The following TXN2 variants were observed in gnomAD, a reference collection of about 807,000 sequenced individuals.
TXN2 encodes thioredoxin 2.
A neutral mutation model predicts 14.6 loss-of-function variants in TXN2; 12 were observed. The observed-to-expected ratio is 0.82, with a 90% CI of 0.53 to 1.33. The LOEUF (loss-of-function observed/expected upper bound fraction) is 1.33, where lower values mean the gene tolerates loss of function less well. Ranked by LOEUF, TXN2 falls within the 40% of genes most tolerant of loss-of-function variation. The probability of loss-of-function intolerance (pLI) is 0.00; values close to 1 mark genes in which losing one functional copy is unlikely to be tolerated. For synonymous variants in TXN2, 89 were observed against 81.0 expected (o/e 1.10, Z -0.53); for missense variants, 173 against 207.7 (o/e 0.83, Z 1.03).
chr22:36,474,458 T>A (rs574999629), intron 3 of TXN2, among the ~76,000 whole-genome samples: 13 of 152,244 alleles, frequency 8.5e-5, no homozygotes, highest in Non-Finnish European at 1.8e-4. Flanking sequence ...GTGCCTCTAT[T>A]TGAGCTGGTC....
intron 2 of TXN2, 101 bp downstream of exon 2, chr22:36,480,474 T>C (rs1247144105): frequency 4.1e-6 from 6 of 1,473,458 alleles, no homozygotes; most frequent in Non-Finnish European, 2.8e-6. Context: ...ATATTGAGTC[T>C]ACATATGAGC....
chr22:36,479,238 C>A (rs1024336134), intron 2 of TXN2, among the ~76,000 whole-genome samples: 1 of 152,166 alleles, frequency 6.6e-6, no homozygotes, highest in African/African-American at 2.4e-5. Context: ...TATCAAGTGG[C>A]CTGCCCAAGG....
chr22:36,480,567 AT>A lies in TXN2; in HGVS notation c.263+7del. 1 of 1,612,162 alleles carries A rather than the reference AT, an allele frequency of 6.2e-7. No homozygotes were observed. The highest frequency in any genetic ancestry group is 2.2e-5 in the East Asian group (1 of 44,892). On this transcript the variant is annotated splice_region_variant and intron_variant, in intron 2 of 3. Coordinates refer to ENST00000216185, the MANE Select transcript of TXN2 (RefSeq NM_012473.4). Reference sequence around the variant, plus strand: ...GACCCTAGTCTTCTGTGGACCCCCAATACTCACTGTGCGTGGAAATCCACAA... The same window carrying A: ...GACCCTAGTCTTCTGTGGACCCCCAAACTCACTGTGCGTGGAAATCCACAA...
chr22:36,473,426 G>C (rs748575356), intron 3 of TXN2, among the ~76,000 whole-genome samples: 6 of 152,158 alleles, frequency 3.9e-5, no homozygotes, highest in Non-Finnish European at 8.8e-5. Context: ...CTGGGCGACA[G>C]AGCGAGACTC....
intron 3 of TXN2, among the ~76,000 whole-genome samples, chr22:36,476,012 A>G (rs1451476873): frequency 6.6e-6 from 1 of 152,146 alleles, no homozygotes; most frequent in Non-Finnish European, 1.5e-5. Flanking sequence ...CTATATTGAG[A>G]TGATCTTTCT....
chr22:36,474,470 AG>A (rs1270662177), intron 3 of TXN2, among the ~76,000 whole-genome samples: 1 of 152,150 alleles, frequency 6.6e-6, no homozygotes, highest in African/African-American at 2.4e-5. Context: ...GAGCTGGTCT[AG>A]TAAGAGTGAA....
rs1173686764 is a variant in TXN2, at chr22:36,467,998, G to A, written c.388-81C>T. 9 of 1,253,614 alleles carry A rather than the reference G, an allele frequency of 7.2e-6. No individual in the cohort carries two copies. In the Admixed American group the frequency reaches 1.6e-4, roughly 22 times the overall value. 77.7% of individuals were successfully genotyped at this position (1,253,614 alleles called of 1,614,324 possible). On this transcript the variant is annotated intron_variant, in intron 3 of 3. Transcript: ENST00000216185. ...GCCACTCCTGAGCCTTTGTGGGGAA[G>A]GCTGGTGGCTTATCCAGGGCACTGA... is the stretch of plus-strand genomic sequence containing the variant.
intron 2 of TXN2, among the ~76,000 whole-genome samples, chr22:36,480,230 A>G (rs1603489610): frequency 6.6e-6 from 1 of 152,324 alleles, no homozygotes; most frequent in South Asian, 2.1e-4. Context: ...TCATGGCAGG[A>G]TGTTAACATC....
At chr22:36,469,848 C>T (rs1018387232) in intron 3 of TXN2, among the ~76,000 whole-genome samples, 1 of 152,004 alleles carries the variant, frequency 6.6e-6, no homozygotes, top group Non-Finnish European at 1.5e-5. Flanking sequence ...CCCAGCTACT[C>T]GGGAGGCTGA....
intron 2 of TXN2, 47 bp downstream of exon 2, chr22:36,480,519 TCAATAAATA>T (rs1933476993): frequency 1.3e-6 from 2 of 1,579,496 alleles, no homozygotes; most frequent in South Asian, 2.4e-5. Context: ...CAGCAGGCAT[TCAATAAATA>T]CTTGAACAAG....
chr22:36,467,753 G>A lies in TXN2; in HGVS notation c.*51C>T, dbSNP rs998138374. ...GGAAGGGCTGGCATGGAAGGGCTGA[G>A]TTCTATTGGGGTCCCACGCGGGCAA... On this transcript the variant is annotated 3_prime_UTR_variant, in exon 4 of 4. Transcript: ENST00000216185. 1 of 1,491,072 alleles carries A rather than the reference G, an allele frequency of 6.7e-7. No individual in the cohort carries two copies. Among genetic ancestry groups the A allele is most frequent in the Non-Finnish European group, 9.3e-7 (1 of 1,069,898 alleles). The allele number at this position is 1,491,072 out of a possible 1,614,324, so 92.4% of individuals were successfully genotyped here. A position where few individuals can be genotyped will look rare whatever the true frequency, so the allele number is the denominator to read the frequency against.
At chr22:36,476,597 A>G (rs1933391127) in intron 3 of TXN2, 136 bp downstream of exon 3, 1 of 1,303,920 alleles carries the variant, frequency 7.7e-7, no homozygotes, top group Admixed American at 2.3e-5. Flanking sequence ...GTCTCAAAAA[A>G]AAAAAGCTCT....
intron 3 of TXN2, among the ~76,000 whole-genome samples, chr22:36,474,973 C>G (rs1469717790): frequency 2.6e-5 from 4 of 152,236 alleles, no homozygotes; most frequent in African/African-American, 9.6e-5. Context: ...GACCTCAGGG[C>G]TTTTGCTTTG....
rs1321707827 is a variant in TXN2 at position 36,467,652 on chromosome 22, C to T, written c.*152G>A. On this transcript the variant is annotated 3_prime_UTR_variant, in exon 4 of 4. Coordinates refer to ENST00000216185, the MANE Select transcript of TXN2 (RefSeq NM_012473.4). Reference sequence around the variant, plus strand: ...CCTCTGATGGCCCCTGGGCAGTCCGCCAGCTCGGAAGCACTCAGGGCTGGA... The same window carrying T: ...CCTCTGATGGCCCCTGGGCAGTCCGTCAGCTCGGAAGCACTCAGGGCTGGA... 1.2e-5 allele frequency: 8 copies of T among 672,840 alleles called. No individual in the cohort carries two copies. Among genetic ancestry groups the T allele is most frequent in the Non-Finnish European group, 1.6e-5 (6 of 384,360 alleles). 41.7% of individuals were successfully genotyped at this position (672,840 alleles called of 1,614,324 possible).
chr22:36,475,830 G>C (rs1933374063), intron 3 of TXN2, among the ~76,000 whole-genome samples: 1 of 152,152 alleles, frequency 6.6e-6, no homozygotes, highest in Non-Finnish European at 1.5e-5. Flanking sequence ...AACCAAGTGA[G>C]ACGACTCCAT....
At chr22:36,474,780 T>G (rs1933352395) in intron 3 of TXN2, among the ~76,000 whole-genome samples, 1 of 152,098 alleles carries the variant, frequency 6.6e-6, no homozygotes, top group Admixed American at 6.5e-5. Flanking sequence ...TCAGAGACCC[T>G]CCCAATCCGG....
At chr22:36,477,301 T>G (rs1372089340) in intron 2 of TXN2, among the ~76,000 whole-genome samples, 1 of 152,150 alleles carries the variant, frequency 6.6e-6, no homozygotes, top group African/African-American at 2.4e-5. Flanking sequence ...TCCGCCTCCC[T>G]GGTTTACGCC....
At chr22:36,468,720 C>CA (rs34760321) in intron 3 of TXN2, 308 of 416,270 alleles carry the variant, frequency 7.4e-4, no homozygotes, top group East Asian at 2.4e-3. Context: ...GACCCTGCCT[C>CA]AAAAAAAAAG....
chr22:36,478,559 G>C (rs1603489162), intron 2 of TXN2, among the ~76,000 whole-genome samples: 1 of 151,990 alleles, frequency 6.6e-6, no homozygotes, highest in East Asian at 1.9e-4. Flanking sequence ...GCGCGATCTC[G>C]GCTCACTGCA....
Sources: allele counts gnomAD v4.1 joint callset (sites outside exome capture counted in the v4.1 genomes callset), GRCh38; gene constraint gnomAD v4.1.1; transcripts MANE v1.5; gene names NCBI Gene and HGNC (gene_info 2026-07-23, HGNC 2026-07-21).